The following HDAC9 variants were observed in gnomAD, a reference collection of about 807,000 sequenced individuals.
The protein encoded by HDAC9 is histone deacetylase 9, also known as MEF-2 interacting transcription repressor (MITR) protein.
HDAC9 carries 41 observed loss-of-function variants against 139.4 expected under a neutral mutation model. The observed-to-expected ratio is 0.29, with a 90% CI of 0.23 to 0.38. The LOEUF (loss-of-function observed/expected upper bound fraction) is 0.38. Among genes scored for constraint, HDAC9 ranks in the 10% least tolerant of loss-of-function variants. The pLI is 1.00. For missense variants in HDAC9, 1,147 were observed against 1,297.0 expected (o/e 0.88, Z 1.78); for synonymous variants, 517 against 476.2 (o/e 1.09, Z -1.12).
intron 2 of HDAC9, among the ~76,000 whole-genome samples, chr7:18,256,015 A>G (rs1347855300): frequency 6.6e-6 from 1 of 152,064 alleles, no homozygotes. Flanking sequence ...TGCTGAGATG[A>G]TTTCATGATT....
At chr7:18,696,689 C>G (rs908166508) in intron 12 of HDAC9, among the ~76,000 whole-genome samples, 1 of 152,058 alleles carries the variant, frequency 6.6e-6, no homozygotes, top group Non-Finnish European at 1.5e-5. Flanking sequence ...AGGATGGTCT[C>G]CATCTCTTGA....
chr7:18,529,371 T>G (rs578145495), intron 2 of HDAC9, among the ~76,000 whole-genome samples: 4 of 152,056 alleles, frequency 2.6e-5, no homozygotes, highest in Non-Finnish European at 5.9e-5. Context: ...AAGCAGCCAA[T>G]AAAAATGGGG....
intron 8 of HDAC9, among the ~76,000 whole-genome samples, chr7:18,638,606 G>A (rs1036643616): frequency 2.0e-5 from 3 of 152,054 alleles, no homozygotes; most frequent in African/African-American, 7.2e-5. Flanking sequence ...AGGAATCAGT[G>A]TTTGGAAGGC....
At chr7:18,188,496 A>T (rs908376232) in intron 2 of HDAC9, among the ~76,000 whole-genome samples, 10 of 152,194 alleles carry the variant, frequency 6.6e-5, no homozygotes, top group Non-Finnish European at 1.5e-4. Flanking sequence ...AAAATTGACA[A>T]ATGGGATCTA....
chr7:18,822,064 C>A (rs879490608), intron 17 of HDAC9, among the ~76,000 whole-genome samples: 1 of 152,172 alleles, frequency 6.6e-6, no homozygotes, highest in Non-Finnish European at 1.5e-5. Flanking sequence ...ACTCTCTGAA[C>A]CTTATCTTTT....
intron 1 of HDAC9, among the ~76,000 whole-genome samples, chr7:18,298,059 A>G (rs1313414039): frequency 6.6e-6 from 1 of 152,124 alleles, no homozygotes; most frequent in African/African-American, 2.4e-5. Flanking sequence ...ATTTCCAGTA[A>G]TTCACAATAC....
At chr7:18,392,311 TCTCTCACACACACA>T (rs1273474709) in intron 1 of HDAC9, among the ~76,000 whole-genome samples, 2 of 124,520 alleles carry the variant, frequency 1.6e-5, no homozygotes, top group African/African-American at 7.0e-5. Context: ...TCTCTCTCTC[TCTCTCACACACACA>T]CACACACACA....
intron 8 of HDAC9, among the ~76,000 whole-genome samples, chr7:18,643,132 T>C (rs1008387757): frequency 1.4e-4 from 21 of 152,180 alleles, no homozygotes; most frequent in Non-Finnish European, 2.8e-4. Context: ...ACAGGTATTC[T>C]ATACTTACAA....
chr7:18,439,873 A>G (rs949400219), intron 1 of HDAC9, among the ~76,000 whole-genome samples: 3 of 152,176 alleles, frequency 2.0e-5, no homozygotes, highest in African/African-American at 7.2e-5. Flanking sequence ...ATGTATTTCT[A>G]TTATGGGTTG....
At chr7:18,426,189 A>T (rs1296963825) in intron 1 of HDAC9, among the ~76,000 whole-genome samples, 1 of 152,218 alleles carries the variant, frequency 6.6e-6, no homozygotes, top group East Asian at 1.9e-4. Flanking sequence ...GTTGATATAT[A>T]TCAAGAGCTT....
chr7:18,668,878 C>T, intron 12 of HDAC9: 2 of 982,872 alleles, frequency 2.0e-6, no homozygotes, highest in Non-Finnish European at 2.4e-6. Context: ...TGTAAACTTG[C>T]CGTATTTAAT....
chr7:18,227,707 C>A (rs1469421303), intron 2 of HDAC9, among the ~76,000 whole-genome samples: 1 of 152,094 alleles, frequency 6.6e-6, no homozygotes, highest in Non-Finnish European at 1.5e-5. Context: ...TAGCCTGCTG[C>A]CTGCTGTCAT....
At chr7:18,528,697 A>T (rs1807769043) in intron 2 of HDAC9, among the ~76,000 whole-genome samples, 1 of 152,226 alleles carries the variant, frequency 6.6e-6, no homozygotes, top group Non-Finnish European at 1.5e-5. Context: ...AACAGTATTA[A>T]TAACAATGAA....
At position 18,996,131 on chromosome 7, in the gene HDAC9, C is replaced by G. The variant is rs1786447625; in HGVS notation, c.*69C>G. On this transcript the variant is annotated 3_prime_UTR_variant, in exon 26 of 26. Transcript: ENST00000686413. ...GTGTATCCCCCCACCCCAGTACCCT[C>G]AGACATGTCTTGTCTGCTGCCTGGG... 1 of 1,191,082 alleles carries G rather than the reference C, an allele frequency of 8.4e-7. No individual in the cohort carries two copies. 73.8% of individuals were successfully genotyped at this position (1,191,082 alleles called of 1,614,324 possible).
At chr7:18,693,074 A>G (rs1782785922) in intron 12 of HDAC9, among the ~76,000 whole-genome samples, 1 of 151,992 alleles carries the variant, frequency 6.6e-6, no homozygotes, top group Non-Finnish European at 1.5e-5. Flanking sequence ...ATTATTTTGT[A>G]TTAATTAAAA....
intron 1 of HDAC9, among the ~76,000 whole-genome samples, chr7:18,322,319 T>G (rs544033896): frequency 1.3e-5 from 2 of 152,216 alleles, no homozygotes; most frequent in Non-Finnish European, 2.9e-5. Flanking sequence ...AGAAAGATTT[T>G]TGGATGTTGA....
intron 22 of HDAC9, among the ~76,000 whole-genome samples, chr7:18,905,586 A>G (rs897726465): frequency 6.9e-6 from 1 of 143,978 alleles, no homozygotes; most frequent in African/African-American, 2.6e-5. Context: ...CATAATATCA[A>G]TGCTAATGTA....
chr7:18,311,083 C>T (rs1799286001), intron 1 of HDAC9, among the ~76,000 whole-genome samples: 1 of 120,824 alleles, frequency 8.3e-6, no homozygotes, highest in South Asian at 3.4e-4. Context: ...CCTCTCAGTT[C>T]TGGAGAGAGG....
Position 18,692,724 on chromosome 7 carries a change from T to C in HDAC9, c.1731+26248T>C, listed in dbSNP as rs933146265. Reference sequence around the variant, plus strand: ...TAAGTTTACTTGTTTGCTAGTCTTGTATATAAACAGGGCTCTGACAATCTA... The same window carrying C: ...TAAGTTTACTTGTTTGCTAGTCTTGCATATAAACAGGGCTCTGACAATCTA... On this transcript the variant is annotated intron_variant, in intron 12 of 25. Transcript: ENST00000686413. Among the ~76,000 whole-genome samples the C allele has an allele frequency of 7.9e-5, 12 of 152,130 alleles. No individual in the cohort carries two copies. The East Asian group carries it at 1.9e-3, about 24-fold the overall frequency.
Sources: allele counts gnomAD v4.1 joint callset (sites outside exome capture counted in the v4.1 genomes callset), GRCh38; gene constraint gnomAD v4.1.1; transcripts MANE v1.5; gene names NCBI Gene and HGNC (gene_info 2026-07-23, HGNC 2026-07-21).